The following NPY1R variants were observed in gnomAD, a reference collection of about 807,000 sequenced individuals.
NPY1R encodes neuropeptide Y receptor Y1.
Under a neutral mutation model 24.1 loss-of-function variants are expected in NPY1R, and 10 were observed. That is an observed-to-expected ratio of 0.42 (90% CI 0.26 to 0.71). The LOEUF is 0.71. Among genes scored for constraint, NPY1R ranks in the 30% least tolerant of loss-of-function variants. The pLI is 0.28. For synonymous variants in NPY1R, 168 were observed against 165.9 expected (o/e 1.01, Z -0.10); for missense variants, 350 against 458.0 (o/e 0.76, Z 2.15).
chr4:163,325,679 C>A lies in NPY1R; in HGVS notation c.779G>T (p.Arg260Ile). 2.5e-6 allele frequency: 4 copies of A among 1,605,116 alleles called. No individual in the cohort carries two copies. The highest frequency in any genetic ancestry group is 3.4e-6 in the Non-Finnish European group (4 of 1,179,300). The change falls in exon 3 of 3, where the codon AGA (arginine) becomes ATA (isoleucine). Residue 260 changes from arginine to isoleucine, a missense_variant. Coordinates refer to ENST00000296533, the MANE Select transcript of NPY1R (RefSeq NM_000909.6). ...DNKYRSSETKRINIMLLSIVV... is the reference protein window; with the variant it reads ...DNKYRSSETKIINIMLLSIVV... ...AATGGAGAGCAGCATGATATTGATT[C>A]TTTTGGTTTCACTGGACCTGTACTT...
exon 1 of NPY1R, chr4:163,344,643 C>G (rs890469271): frequency 6.6e-6 from 1 of 152,236 alleles, no homozygotes; most frequent in Non-Finnish European, 1.5e-5. Flanking sequence ...ATAACAAATG[C>G]GAGCAATAAC....
chr4:163,328,234 C>A (rs1734652848), intron 1 of NPY1R, among the ~76,000 whole-genome samples: 2 of 152,120 alleles, frequency 1.3e-5, no homozygotes, highest in Admixed American at 1.3e-4. Context: ...AAACGTGGCT[C>A]TCTCTTCCTC....
Position 163,326,723 on chromosome 4 carries a change from C to A in NPY1R, c.-151-18G>T. The A allele has an allele frequency of 2.0e-6, 1 of 501,792 alleles. No homozygotes were observed. The highest frequency in any genetic ancestry group is 3.1e-5 in the East Asian group (1 of 31,922). 31.1% of individuals were successfully genotyped at this position (501,792 alleles called of 1,614,324 possible). ...TGAACAATCTGTAAAGAGAAAATGACCAATTGCATTACTAATTTTATTGAG... is the reference window on the plus strand; with the variant it reads ...TGAACAATCTGTAAAGAGAAAATGAACAATTGCATTACTAATTTTATTGAG... On this transcript the variant is annotated intron_variant, in intron 1 of 2. Coordinates refer to ENST00000296533, the MANE Select transcript of NPY1R (RefSeq NM_000909.6).
intron 1 of NPY1R, among the ~76,000 whole-genome samples, chr4:163,329,418 T>C (rs2110793617): frequency 6.6e-6 from 1 of 152,158 alleles, no homozygotes; most frequent in South Asian, 2.1e-4. Context: ...CTGGCCAACA[T>C]GGTGAAACCT....
At chr4:163,341,632 A>G (rs535064435) in intron 1 of NPY1R, among the ~76,000 whole-genome samples, 130 of 152,318 alleles carry the variant, frequency 8.5e-4, no homozygotes, top group African/African-American at 3.1e-3. Context: ...GCTTTCTTTC[A>G]TAACTGATAA....
chr4:163,341,057 T>G (rs1247175612), intron 1 of NPY1R, among the ~76,000 whole-genome samples: 2 of 151,884 alleles, frequency 1.3e-5, no homozygotes, highest in Non-Finnish European at 2.9e-5. Context: ...CACACAATAC[T>G]TTGGGCTAAA....
At chr4:163,327,950 G>C (rs1408922151) in intron 1 of NPY1R, among the ~76,000 whole-genome samples, 1 of 151,946 alleles carries the variant, frequency 6.6e-6, no homozygotes, top group Non-Finnish European at 1.5e-5. Flanking sequence ...TCTTAAATAA[G>C]ACCAATAAAG....
intron 1 of NPY1R, among the ~76,000 whole-genome samples, chr4:163,342,981 GACACACACACACACACACACACACACAC>G (rs142715363): frequency 7.2e-6 from 1 of 139,138 alleles, no homozygotes; most frequent in Non-Finnish European, 1.5e-5. Flanking sequence ...CTCTCTCACA[GACACACACACACACACACACACACACAC>G]ACACACACAC....
intron 1 of NPY1R, among the ~76,000 whole-genome samples, chr4:163,338,184 G>A (rs561470386): frequency 1.2e-3 from 182 of 151,304 alleles, no homozygotes; most frequent in African/African-American, 4.3e-3. Flanking sequence ...ATGGCCCATG[G>A]GTGATGGCCT....
intron 1 of NPY1R, among the ~76,000 whole-genome samples, chr4:163,341,028 C>T (rs1734968258): frequency 1.3e-5 from 2 of 151,658 alleles, no homozygotes. Context: ...GTTAAGTTGC[C>T]TGGGAAATGG....
Position 163,324,057 on chromosome 4 carries a change from T to TGTC in NPY1R, c.*1243_*1245dup. 1 of 152,568 alleles carries TGTC rather than the reference T, an allele frequency of 6.6e-6. No individual in the cohort carries two copies. The highest frequency in any genetic ancestry group is 1.9e-4 in the East Asian group (1 of 5,194). The allele number at this position is 152,568 out of a possible 1,614,324, so 9.5% of individuals were successfully genotyped here. A position where few individuals can be genotyped will look rare whatever the true frequency, so the allele number is the denominator to read the frequency against. On this transcript the variant is annotated 3_prime_UTR_variant, in exon 3 of 3. Coordinates refer to ENST00000296533, the MANE Select transcript of NPY1R (RefSeq NM_000909.6). ...TTTATCTGTATAATACATTGAAGTA[T>TGTC]GTCTTGTTCTTTAAAATATAGTTTC... is the stretch of plus-strand genomic sequence containing the variant.
At position 163,326,532 on chromosome 4, in the gene NPY1R, T is replaced by A; in HGVS notation, c.23A>T (p.Gln8Leu). The change falls in exon 2 of 3, where the codon CAG (glutamine) becomes CTG (leucine). Residue 8 changes from glutamine (Q) to leucine (L), a missense_variant. Physicochemically the swap from Gln to Leu is moderately radical, Grantham distance 113 (BLOSUM62 -2). Coordinates refer to ENST00000296533, the MANE Select transcript of NPY1R (RefSeq NM_000909.6). ...AGAGTGGACTGAATGATTTTCAACC[T>A]GGGAAAATAATGTTGAATTCATTTT... Reference protein sequence around the residue: MNSTLFSQVENHSVHSNF... With the variant: MNSTLFSLVENHSVHSNF... The A allele has an allele frequency of 6.2e-7, 1 of 1,600,354 alleles. No individual in the cohort carries two copies. The highest frequency in any genetic ancestry group is 1.3e-5 in the African/African-American group (1 of 74,234).
At position 163,326,123 on chromosome 4, in the gene NPY1R, G is replaced by A. The variant is rs1290169304; in HGVS notation, c.432C>T (p.Asn144=). The change falls in exon 2 of 3, where the codon AAC becomes AAT. Residue 144 remains asparagine (N), a synonymous_variant. Transcript: ENST00000296533. ...IAVERHQLII[N]PRGWRPNNRH... is the part of the protein sequence containing the mutation. ...TATTATTTGGTCTCCACCCTCGAGG[G>A]TTGATTATCAGCTGATGTCGTTCCA... The A allele has an allele frequency of 6.2e-6, 10 of 1,613,974 alleles. No individual in the cohort carries two copies. Among genetic ancestry groups the A allele is most frequent in the Non-Finnish European group, 8.5e-6 (10 of 1,179,988 alleles).
At chr4:163,333,968 A>C (rs1235838243), upstream of NPY1R, among the ~76,000 whole-genome samples, 1 of 152,218 alleles carries the variant, frequency 6.6e-6, no homozygotes, top group East Asian at 1.9e-4. Context: ...AAGCAGAGTA[A>C]AATGACAACA....
At chr4:163,335,537 C>T (rs1734821507), upstream of NPY1R, among the ~76,000 whole-genome samples, 1 of 152,076 alleles carries the variant, frequency 6.6e-6, no homozygotes. Context: ...GAAATGCTAT[C>T]AGGCCTTGAT....
chr4:163,343,643 T>C (rs1735071483), intron 1 of NPY1R, among the ~76,000 whole-genome samples: 3 of 152,066 alleles, frequency 2.0e-5, no homozygotes, highest in Admixed American at 2.0e-4. Flanking sequence ...CCGGCAAAAC[T>C]CGATTTGCCC....
At chr4:163,337,617 GT>G (rs1397196001), upstream of NPY1R, among the ~76,000 whole-genome samples, 1 of 152,152 alleles carries the variant, frequency 6.6e-6, no homozygotes, top group Non-Finnish European at 1.5e-5. Context: ...CTCCTCTGAG[GT>G]GCTGTCCCAC....
At chr4:163,329,032 A>G (rs146344228) in intron 1 of NPY1R, among the ~76,000 whole-genome samples, 1 of 152,246 alleles carries the variant, frequency 6.6e-6, no homozygotes, top group Admixed American at 6.5e-5. Flanking sequence ...GTCCTTGAAC[A>G]GGCAAAATGT....
At chr4:163,327,177 C>G (rs971521505) in intron 1 of NPY1R, among the ~76,000 whole-genome samples, 2 of 152,206 alleles carry the variant, frequency 1.3e-5, no homozygotes, top group African/African-American at 4.8e-5. Context: ...CATACATACA[C>G]TGCACTGCTT....
Sources: allele counts gnomAD v4.1 joint callset (sites outside exome capture counted in the v4.1 genomes callset), GRCh38; gene constraint gnomAD v4.1.1; transcripts MANE v1.5; gene names NCBI Gene and HGNC (gene_info 2026-07-23, HGNC 2026-07-21).